RALGAPA2: variants seen among roughly 807,000 people sequenced by gnomAD.
RALGAPA2 encodes Ral GTPase activating protein catalytic subunit alpha 2.
RALGAPA2 carries 139 observed loss-of-function variants against 230.4 expected under a neutral mutation model. The observed-to-expected ratio is 0.60, with a 90% confidence interval of 0.53 to 0.69. RALGAPA2 has a LOEUF of 0.69. Among genes scored for constraint, RALGAPA2 ranks in the 30% least tolerant of loss-of-function variants. RALGAPA2 has a pLI of 0.00. For synonymous variants in RALGAPA2, 847 were observed against 837.8 expected (o/e 1.01, Z -0.19); for missense variants, 2,163 against 2,276.0 (o/e 0.95, Z 1.01).
intron 17 of RALGAPA2, 82 bp downstream of exon 17, chr20:20,591,095 T>C: frequency 2.1e-6 from 3 of 1,424,678 alleles, no homozygotes; most frequent in Non-Finnish European, 1.9e-6. Flanking sequence ...TCAGAATATA[T>C]GTACAAAGCA....
At chr20:20,565,556 G>A (rs2064389029) in intron 23 of RALGAPA2, among the ~76,000 whole-genome samples, 1 of 152,090 alleles carries the variant, frequency 6.6e-6, no homozygotes, top group African/African-American at 2.4e-5. Flanking sequence ...CATGAGAGGG[G>A]GTTGTAACAC....
chr20:20,701,857 T>C (rs577104121), intron 1 of RALGAPA2, among the ~76,000 whole-genome samples: 2 of 151,954 alleles, frequency 1.3e-5, no homozygotes, highest in South Asian at 2.1e-4. Flanking sequence ...CTGGCCAAGA[T>C]GGTGAAACCC....
rs2066077863 is a variant in RALGAPA2, at chr20:20,614,632, G to A, written c.1688+1411C>T. On this transcript the variant is annotated intron_variant, in intron 13 of 39. Coordinates refer to ENST00000202677, the MANE Select transcript of RALGAPA2 (RefSeq NM_020343.4). Reference sequence around the variant, plus strand: ...AGATGACATTGGAATCTACATCATAGTATCATTTTGATGCCTGTGGTTTCT... The same window carrying A: ...AGATGACATTGGAATCTACATCATAATATCATTTTGATGCCTGTGGTTTCT... 9.8e-5 allele frequency among the ~76,000 whole-genome samples: 15 copies of A among 152,334 alleles called. No homozygotes were observed. The South Asian group carries it at 2.9e-3, about 29-fold the overall frequency.
chr20:20,560,480 C>T (rs2064224362), intron 23 of RALGAPA2, among the ~76,000 whole-genome samples: 1 of 152,128 alleles, frequency 6.6e-6, no homozygotes, highest in Non-Finnish European at 1.5e-5. Context: ...TACCACAATA[C>T]CACTTATTGT....
At chr20:20,523,717 AAAAT>A (rs1434943307) in intron 30 of RALGAPA2, among the ~76,000 whole-genome samples, 2 of 152,222 alleles carry the variant, frequency 1.3e-5, no homozygotes, top group Non-Finnish European at 2.9e-5. Context: ...TGTATCAACA[AAAAT>A]AAATTAATCT....
chr20:20,636,539 C>CGT (rs10534892), intron 8 of RALGAPA2, among the ~76,000 whole-genome samples: 15 of 149,978 alleles, frequency 1.0e-4, no homozygotes, highest in African/African-American at 2.0e-4. Context: ...CTTCTCTCCC[C>CGT]GTGTGTGTGT....
intron 23 of RALGAPA2, among the ~76,000 whole-genome samples, chr20:20,562,756 T>G (rs895594432): frequency 9.9e-5 from 15 of 152,200 alleles, no homozygotes; most frequent in African/African-American, 3.1e-4. Context: ...ATCTGTTACC[T>G]CCTACATATT....
intron 37 of RALGAPA2, among the ~76,000 whole-genome samples, chr20:20,468,240 G>A (rs2061462711): frequency 6.6e-6 from 1 of 152,190 alleles, no homozygotes; most frequent in African/African-American, 2.4e-5. Flanking sequence ...TTGAATGTAT[G>A]TCAGAGCTGA....
chr20:20,478,934 GA>G (rs984605243), intron 36 of RALGAPA2, among the ~76,000 whole-genome samples: 1 of 145,880 alleles, frequency 6.9e-6, no homozygotes, highest in African/African-American at 2.5e-5. Flanking sequence ...GGTGAATCAA[GA>G]AAAAAAAAGC....
intron 37 of RALGAPA2, among the ~76,000 whole-genome samples, chr20:20,459,910 C>T (rs1165814897): frequency 6.6e-6 from 1 of 152,200 alleles, no homozygotes; most frequent in Non-Finnish European, 1.5e-5. Context: ...AGTGACTCAA[C>T]AAATACTCAC....
chr20:20,512,612 A>G lies in RALGAPA2; in HGVS notation c.4757T>C (p.Val1586Ala), dbSNP rs767961937. The change falls in exon 32 of 40, where the codon GTC (valine) becomes GCC (alanine). Residue 1586 changes from valine (V) to alanine (A), a missense_variant. Coordinates refer to ENST00000202677, the MANE Select transcript of RALGAPA2 (RefSeq NM_020343.4). ...QSHNFDSAMK[V>A]TSQGQPSPVE... ...TGGGGAGGGCTGCCCTTGGCTGGTG[A>G]CTTTCATTGCAGAATCGAAGTTATG... 1 of 1,613,830 alleles carries G rather than the reference A, an allele frequency of 6.2e-7. No homozygotes were observed. The highest frequency in any genetic ancestry group is 1.3e-5 in the African/African-American group (1 of 74,910).
intron 23 of RALGAPA2, among the ~76,000 whole-genome samples, chr20:20,569,406 T>C (rs763000909): frequency 6.6e-6 from 1 of 152,188 alleles, no homozygotes; most frequent in Non-Finnish European, 1.5e-5. Context: ...AATAATAGGC[T>C]GATTTTAAAT....
intron 3 of RALGAPA2, among the ~76,000 whole-genome samples, chr20:20,664,439 T>A (rs1466617823): frequency 6.6e-6 from 1 of 152,104 alleles, no homozygotes; most frequent in South Asian, 2.1e-4. Flanking sequence ...CCTTCACAAA[T>A]CCCCAAATTA....
At chr20:20,538,192 G>C (rs988244853) in intron 24 of RALGAPA2, among the ~76,000 whole-genome samples, 1 of 152,168 alleles carries the variant, frequency 6.6e-6, no homozygotes, top group African/African-American at 2.4e-5. Flanking sequence ...TTTTTACCTA[G>C]CTTGGTTCCC....
intron 6 of RALGAPA2, among the ~76,000 whole-genome samples, 189 bp downstream of exon 6, chr20:20,640,512 C>T (rs1196999702): frequency 6.6e-6 from 1 of 152,186 alleles, no homozygotes; most frequent in Non-Finnish European, 1.5e-5. Context: ...CTCCTGTTTT[C>T]ATTTCATATA....
intron 3 of RALGAPA2, among the ~76,000 whole-genome samples, chr20:20,668,775 C>T (rs2068041135): frequency 2.0e-5 from 3 of 152,070 alleles, no homozygotes; most frequent in Admixed American, 2.0e-4. Context: ...TAAGGGCAGT[C>T]CCTGAAAAGA....
chr20:20,630,565 C>T (rs925605881), intron 9 of RALGAPA2, among the ~76,000 whole-genome samples: 13 of 152,304 alleles, frequency 8.5e-5, no homozygotes, highest in Non-Finnish European at 1.6e-4. Flanking sequence ...AAGGCACTGT[C>T]GCACTGTAAG....
Position 20,583,125 on chromosome 20 carries a change from G to A in RALGAPA2, c.2632C>T (p.Pro878Ser), listed in dbSNP as rs1192384612. The change falls in exon 20 of 40, where the codon CCC becomes TCC. Residue 878 changes from proline to serine, a missense_variant. By Grantham distance (74) the Pro-to-Ser change is moderately conservative. Coordinates refer to ENST00000202677, the MANE Select transcript of RALGAPA2 (RefSeq NM_020343.4). ...TCAGCATCAGCCACAACATCTGTGGGAGTATTCAGTTCTGGGTCTTCCTCA... is the reference window on the plus strand; with the variant it reads ...TCAGCATCAGCCACAACATCTGTGGAAGTATTCAGTTCTGGGTCTTCCTCA... Reference protein sequence around the residue: ...TCEEDPELNTPTDVVADADAR... With the variant: ...TCEEDPELNTSTDVVADADAR... 6 of 1,613,702 alleles carry A rather than the reference G, an allele frequency of 3.7e-6. No homozygotes were observed. The highest frequency in any genetic ancestry group is 5.1e-6 in the Non-Finnish European group (6 of 1,179,736).
At chr20:20,423,122 A>G (rs960775140) in intron 37 of RALGAPA2, among the ~76,000 whole-genome samples, 2 of 152,112 alleles carry the variant, frequency 1.3e-5, no homozygotes, top group Admixed American at 6.6e-5. Context: ...ATGGTAAGAG[A>G]TGGAGATGGA....
Sources: gnomAD v4.1 joint callset for allele counts (sites outside exome capture counted in the v4.1 genomes callset) on GRCh38, gnomAD v4.1.1 for gene constraint, MANE v1.5 for transcripts, NCBI Gene and HGNC (gene_info 2026-07-23, HGNC 2026-07-21) for gene names.